Variants in MARK4 observed in about 807,000 individuals in gnomAD.
MARK4 encodes MAP/microtubule affinity-regulating kinase 4.
Under a neutral mutation model 81.5 loss-of-function variants are expected in MARK4, and 19 were observed. The observed-to-expected ratio is 0.23, with a 90% CI of 0.16 to 0.34. MARK4 has a LOEUF of 0.34. MARK4 is among the 10% of genes least tolerant of loss of function. MARK4 has a pLI of 1.00. For synonymous variants in MARK4, 436 were observed against 439.0 expected, an observed-to-expected ratio of 0.99 and a Z score of 0.08; for missense variants, 772 against 1,058.8, an observed-to-expected ratio of 0.73 and a Z score of 3.76.
intron 6 of MARK4, among the ~76,000 whole-genome samples, chr19:45,265,947 A>G (rs1038911788): frequency 6.6e-6 from 1 of 151,948 alleles, no homozygotes; most frequent in Non-Finnish European, 1.5e-5. Context: ...CAGGTATGGG[A>G]TATCCCCATG....
intron 4 of MARK4, 136 bp from the exon 5 acceptor site, chr19:45,264,548 C>G (rs1354131692): frequency 2.5e-6 from 2 of 797,072 alleles, no homozygotes; most frequent in Non-Finnish European, 4.1e-6. Flanking sequence ...TTTGGAAAAT[C>G]TTGCTGTCAG....
chr19:45,275,730 T>TC (rs1970589643), intron 8 of MARK4, among the ~76,000 whole-genome samples: 1 of 152,192 alleles, frequency 6.6e-6, no homozygotes, highest in Non-Finnish European at 1.5e-5. Context: ...ACCAAACCCC[T>TC]CCAGGCCTCA....
chr19:45,290,250 C>G (rs1027802811), intron 13 of MARK4, among the ~76,000 whole-genome samples: 4 of 152,258 alleles, frequency 2.6e-5, no homozygotes, highest in African/African-American at 9.6e-5. Flanking sequence ...AAACCAAGGT[C>G]TCACTGCATG....
At chr19:45,280,250 T>A (rs768156541) in intron 10 of MARK4, 124 bp from the exon 11 acceptor site, 4 of 810,266 alleles carry the variant, frequency 4.9e-6, no homozygotes, top group Non-Finnish European at 8.3e-6. Context: ...TGCAGTGAGC[T>A]GTGACCGTGC....
chr19:45,265,438 G>T (rs1016496711), intron 6 of MARK4, among the ~76,000 whole-genome samples: 1 of 151,796 alleles, frequency 6.6e-6, no homozygotes, highest in Middle Eastern at 3.2e-3. Flanking sequence ...GTGTGCGAGT[G>T]CCCAGATGTA....
chr19:45,256,742 C>T (rs890970050), intron 1 of MARK4, among the ~76,000 whole-genome samples: 3 of 152,090 alleles, frequency 2.0e-5, no homozygotes, highest in East Asian at 1.9e-4. Context: ...CCTGCTTTTT[C>T]GCACTTTGCC....
At chr19:45,260,111 C>T (rs1164790788) in intron 2 of MARK4, among the ~76,000 whole-genome samples, 2 of 150,842 alleles carry the variant, frequency 1.3e-5, no homozygotes, top group African/African-American at 2.4e-5. Flanking sequence ...ATTAAAAGGC[C>T]GTGCGCGGTG....
At chr19:45,290,585 A>G (rs1970808112) in intron 13 of MARK4, among the ~76,000 whole-genome samples, 1 of 152,208 alleles carries the variant, frequency 6.6e-6, no homozygotes, top group Non-Finnish European at 1.5e-5. Flanking sequence ...ACCCTTGGCC[A>G]ACGGTATCTG....
At chr19:45,253,183 A>ACG (rs1555761164) in intron 1 of MARK4, among the ~76,000 whole-genome samples, 1 of 122,442 alleles carries the variant, frequency 8.2e-6, no homozygotes, top group Non-Finnish European at 1.8e-5. Context: ...CCTCCGACAG[A>ACG]CCCCCCCACA....
chr19:45,274,344 C>T (rs1182153318), intron 8 of MARK4, among the ~76,000 whole-genome samples: 1 of 151,812 alleles, frequency 6.6e-6, no homozygotes, highest in Non-Finnish European at 1.5e-5. Flanking sequence ...TCAAGACAGC[C>T]TTCTGGCCGG....
At chr19:45,275,112 G>A (rs1387587118) in intron 8 of MARK4, among the ~76,000 whole-genome samples, 1 of 151,968 alleles carries the variant, frequency 6.6e-6, no homozygotes, top group Non-Finnish European at 1.5e-5. Flanking sequence ...AATACAAAAA[G>A]TAGCCAGGCG....
intron 12 of MARK4, among the ~76,000 whole-genome samples, chr19:45,281,737 A>G (rs1363972083): frequency 6.6e-6 from 1 of 152,170 alleles, no homozygotes; most frequent in East Asian, 1.9e-4. Context: ...TATCAGAGTC[A>G]AGTTTGAATT....
Position 45,287,677 on chromosome 19 carries a change from G to T in MARK4, c.1494+13G>T, listed in dbSNP as rs1333553644. ...CACGAGCACCCCCGTGAGTGACCAG[G>T]GCTGGGGGGCAGGGCTGGGGGCGCC... On this transcript the variant is annotated intron_variant, in intron 13 of 16. Transcript: ENST00000262891. The T allele has an allele frequency of 5.6e-6, 9 of 1,603,270 alleles. No individual in the cohort carries two copies. Among genetic ancestry groups the T allele is most frequent in the Non-Finnish European group, 7.7e-6 (9 of 1,174,494 alleles).
At chr19:45,283,743 C>T (rs410065) in intron 12 of MARK4, among the ~76,000 whole-genome samples, 306 of 152,196 alleles carry the variant, frequency 2.0e-3, no homozygotes, top group African/African-American at 6.5e-3. Flanking sequence ...CATTTGTATC[C>T]GTGTTTTTGT....
intron 1 of MARK4, among the ~76,000 whole-genome samples, chr19:45,257,325 A>G (rs1025075606): frequency 4.9e-4 from 74 of 151,920 alleles, no homozygotes; most frequent in African/African-American, 1.6e-3. Flanking sequence ...TATAGCTGTA[A>G]TGCTATTATT....
intron 10 of MARK4, 24 bp downstream of exon 10, chr19:45,278,639 T>C (rs1449201824): frequency 6.4e-7 from 1 of 1,573,394 alleles, no homozygotes; most frequent in African/African-American, 1.4e-5. Flanking sequence ...AGAGCCATCC[T>C]GTCACCCAGG....
chr19:45,251,655 C>A lies in MARK4; in HGVS notation c.51+16C>A, dbSNP rs1273321994. On this transcript the variant is annotated intron_variant, in intron 1 of 16. Transcript: ENST00000262891. ...CTCGGACACGGTGAGTGGGGCCCGG[C>A]CCCTTGGGGAGCCCTGGCTGGGTCC... 1.3e-6 allele frequency: 2 copies of A among 1,517,538 alleles called. No homozygotes were observed. Among genetic ancestry groups the A allele is most frequent in the African/African-American group, 1.4e-5 (1 of 69,438 alleles). The allele number at this position is 1,517,538 out of a possible 1,614,324, so 94.0% of individuals were successfully genotyped here.
At chr19:45,273,118 C>T (rs1568494965) in intron 8 of MARK4, among the ~76,000 whole-genome samples, 1 of 151,036 alleles carries the variant, frequency 6.6e-6, no homozygotes, top group Non-Finnish European at 1.5e-5. Context: ...GAGGTGTGGG[C>T]TGAGTTGTTG....
intron 13 of MARK4, among the ~76,000 whole-genome samples, chr19:45,293,089 G>A (rs1242498891): frequency 6.6e-6 from 1 of 152,120 alleles, no homozygotes; most frequent in African/African-American, 2.4e-5. Flanking sequence ...CCAGCATGGT[G>A]AAACCCCATC....
Sources: allele counts gnomAD v4.1 joint callset (sites outside exome capture counted in the v4.1 genomes callset), GRCh38; gene constraint gnomAD v4.1.1; transcripts MANE v1.5; gene names NCBI Gene and HGNC (gene_info 2026-07-23, HGNC 2026-07-21).